The following FDX1 variants were observed in gnomAD, a reference collection of about 807,000 sequenced individuals.
FDX1 encodes adrenodoxin, mitochondrial.
Under a neutral mutation model 14.9 loss-of-function variants are expected in FDX1, and 9 were observed. The observed-to-expected ratio is 0.60, with a 90% confidence interval of 0.36 to 1.05. The LOEUF (loss-of-function observed/expected upper bound fraction) is 1.05. FDX1 is among the 50% of genes least tolerant of loss of function. FDX1 has a pLI of 0.01. For synonymous variants in FDX1, 92 were observed against 99.4 expected, an observed-to-expected ratio of 0.93 and a Z score of 0.44; for missense variants, 204 against 237.2, an observed-to-expected ratio of 0.86 and a Z score of 0.92.
intron 3 of FDX1, among the ~76,000 whole-genome samples, chr11:110,457,470 GCT>G (rs777120831): frequency 7.2e-5 from 11 of 152,034 alleles, no homozygotes; most frequent in Admixed American, 7.2e-4. Context: ...AAAATGAATA[GCT>G]CTTTTTCTAA....
chr11:110,452,730 C>T (rs1446401030), intron 2 of FDX1, among the ~76,000 whole-genome samples: 1 of 152,080 alleles, frequency 6.6e-6, no homozygotes, highest in African/African-American at 2.4e-5. Flanking sequence ...GACATTCAAA[C>T]AGTGGAATGC....
At chr11:110,461,490 C>G (rs2134695368) in intron 3 of FDX1, among the ~76,000 whole-genome samples, 1 of 128,054 alleles carries the variant, frequency 7.8e-6, no homozygotes, top group East Asian at 2.4e-4. Flanking sequence ...GAGCCAGACC[C>G]TGTCTTAAAA....
At chr11:110,437,313 A>T (rs4753893) in intron 2 of FDX1, among the ~76,000 whole-genome samples, 46,221 of 152,056 alleles carry the variant, frequency 0.3, 7,255 homozygotes, top group East Asian at 0.39. Flanking sequence ...GAATCTAAGT[A>T]TTTTTTGCTA....
At chr11:110,430,580 C>T (rs766060368) in intron 1 of FDX1, among the ~76,000 whole-genome samples, 72 of 152,350 alleles carry the variant, frequency 4.7e-4, no homozygotes, top group Non-Finnish European at 8.2e-4. Flanking sequence ...AGCTCCCTTT[C>T]CCAGCGCTTC....
chr11:110,436,042 G>C, intron 2 of FDX1, 84 bp downstream of exon 2: 2 of 1,171,234 alleles, frequency 1.7e-6, no homozygotes, highest in Non-Finnish European at 2.5e-6. Context: ...TTTTGAAGAA[G>C]TTTAACCTAT....
At chr11:110,435,124 T>C (rs931097884) in intron 1 of FDX1, among the ~76,000 whole-genome samples, 2 of 151,938 alleles carry the variant, frequency 1.3e-5, no homozygotes, top group Non-Finnish European at 2.9e-5. Flanking sequence ...TCATATCCCA[T>C]TGCAGCCTCT....
intron 3 of FDX1, among the ~76,000 whole-genome samples, chr11:110,457,817 A>T (rs1317192574): frequency 6.6e-6 from 1 of 152,182 alleles, no homozygotes; most frequent in Non-Finnish European, 1.5e-5. Flanking sequence ...TTTAATATAA[A>T]CTACCTCATT....
intron 1 of FDX1, among the ~76,000 whole-genome samples, chr11:110,433,391 G>A (rs374676269): frequency 2.9e-4 from 44 of 152,260 alleles, no homozygotes; most frequent in African/African-American, 1.0e-3. Context: ...CTTAAACCTA[G>A]GTTAAATGGT....
At chr11:110,434,261 C>T (rs1003460299) in intron 1 of FDX1, among the ~76,000 whole-genome samples, 8 of 151,376 alleles carry the variant, frequency 5.3e-5, no homozygotes, top group African/African-American at 9.7e-5. Context: ...ATGTCAAATA[C>T]GCAGAAAACT....
chr11:110,433,068 G>A (rs1946341632), intron 1 of FDX1, among the ~76,000 whole-genome samples: 1 of 152,230 alleles, frequency 6.6e-6, no homozygotes, highest in South Asian at 2.1e-4. Flanking sequence ...TAGAAGAGGA[G>A]GCTGATGTAA....
At chr11:110,455,052 G>T (rs1404415463) in intron 2 of FDX1, among the ~76,000 whole-genome samples, 1 of 152,172 alleles carries the variant, frequency 6.6e-6, no homozygotes, top group Non-Finnish European at 1.5e-5. Flanking sequence ...TGTCGCCCAG[G>T]CTGGAGTGCA....
chr11:110,429,947 C>A, upstream of FDX1: 1 of 373,284 alleles, frequency 2.7e-6, no homozygotes, highest in Non-Finnish European at 4.6e-6. Flanking sequence ...ACCCGGAAGG[C>A]ACGCGGAACC....
intron 2 of FDX1, among the ~76,000 whole-genome samples, chr11:110,446,366 G>A (rs1398722519): frequency 6.6e-6 from 1 of 152,156 alleles, no homozygotes; most frequent in African/African-American, 2.4e-5. Context: ...GCTGACCGAA[G>A]TACTTAGTTT....
At chr11:110,433,389 T>C (rs781583824) in intron 1 of FDX1, among the ~76,000 whole-genome samples, 4 of 152,238 alleles carry the variant, frequency 2.6e-5, no homozygotes, top group Non-Finnish European at 4.4e-5. Context: ...GTCTTAAACC[T>C]AGGTTAAATG....
chr11:110,463,432 C>T lies in FDX1; in HGVS notation c.*964C>T, dbSNP rs376198085. On this transcript the variant is annotated 3_prime_UTR_variant, in exon 4 of 4. Coordinates refer to ENST00000260270, the MANE Select transcript of FDX1 (RefSeq NM_004109.5). The stretch of plus-strand genomic sequence containing the variant: ...GAGTGGCAAGCACCACAGATTACCA[C>T]GTATGTGTGGAAGACATTCGTACTC... 6.6e-6 allele frequency: 1 copy of T among 152,170 alleles called. No individual in the cohort carries two copies. The highest frequency in any genetic ancestry group is 1.5e-5 in the Non-Finnish European group (1 of 68,030). 9.4% of individuals were successfully genotyped at this position (152,170 alleles called of 1,614,324 possible). A position where few individuals can be genotyped will look rare whatever the true frequency, so the allele number is the denominator to read the frequency against.
rs1946570683 is a variant in FDX1 at position 110,463,522 on chromosome 11, TATA to T, written c.*1059_*1061del. ...GGGTACACAGTATGGTCTTTGGAAA[TATA>T]ATAAAACATCAACTAACTTGGACTA... On this transcript the variant is annotated 3_prime_UTR_variant, in exon 4 of 4. Coordinates refer to ENST00000260270, the MANE Select transcript of FDX1 (RefSeq NM_004109.5). 1 of 152,222 alleles carries T rather than the reference TATA, an allele frequency of 6.6e-6. No homozygotes were observed. The highest frequency in any genetic ancestry group is 2.1e-4 in the South Asian group (1 of 4,832). 9.4% of individuals were successfully genotyped at this position (152,222 alleles called of 1,614,324 possible).
chr11:110,430,038 AG>A lies in FDX1; in HGVS notation c.-82del, dbSNP rs929314562. ...CGCGGCCCTCGGGCGTCTGCGCCGC[AG>A]CTGCCGCCCCCGCCTCTTTGGAGTC... On this transcript the variant is annotated 5_prime_UTR_variant, in exon 1 of 4. Transcript: ENST00000260270. The A allele has an allele frequency of 4.9e-6, 5 of 1,027,138 alleles. No individual in the cohort carries two copies. The African/African-American group carries it at 6.7e-5, about 14-fold the overall frequency. The allele number at this position is 1,027,138 out of a possible 1,614,324, so 63.6% of individuals were successfully genotyped here.
intron 1 of FDX1, among the ~76,000 whole-genome samples, chr11:110,433,597 C>T (rs1192052805): frequency 6.6e-6 from 1 of 152,100 alleles, no homozygotes; most frequent in Non-Finnish European, 1.5e-5. Context: ...TATTTTCATT[C>T]TCAGCCATTG....
chr11:110,452,355 G>T (rs1487572291), intron 2 of FDX1, among the ~76,000 whole-genome samples: 1 of 152,092 alleles, frequency 6.6e-6, no homozygotes, highest in Non-Finnish European at 1.5e-5. Context: ...GAAAGGACTT[G>T]TATCCCGGCT....
Sources: gnomAD v4.1 joint callset for allele counts (sites outside exome capture counted in the v4.1 genomes callset) on GRCh38, gnomAD v4.1.1 for gene constraint, MANE v1.5 for transcripts, NCBI Gene and HGNC (gene_info 2026-07-23, HGNC 2026-07-21) for gene names.